The following B4GALNT1 variants were observed in gnomAD, a reference collection of about 807,000 sequenced individuals.
B4GALNT1 encodes beta-1,4 N-acetylgalactosaminyltransferase 1.
In B4GALNT1, 43 loss-of-function variants were observed where a neutral mutation model predicts 55.2. The observed-to-expected ratio is 0.78, with a 90% confidence interval of 0.61 to 1.00. B4GALNT1 has a LOEUF of 1.00. Ranked by LOEUF, B4GALNT1 falls within the 50% of genes least tolerant of loss-of-function variation. The probability of loss-of-function intolerance (pLI) is 0.00; values close to 1 mark genes in which losing one functional copy is unlikely to be tolerated. For synonymous variants in B4GALNT1, 305 were observed against 311.6 expected (o/e 0.98, Z 0.22); for missense variants, 664 against 729.7 (o/e 0.91, Z 1.04).
intron 9 of B4GALNT1, 49 bp from the exon 10 acceptor site, chr12:57,627,907 C>G: frequency 6.6e-7 from 1 of 1,516,140 alleles, no homozygotes; most frequent in Admixed American, 2.0e-5. Flanking sequence ...ATAGGGGACC[C>G]GAAGGGGTCA....
chr12:57,627,883 C>T (rs780060197), intron 9 of B4GALNT1, 25 bp from the exon 10 acceptor site: 2 of 1,551,804 alleles, frequency 1.3e-6, no homozygotes, highest in South Asian at 2.4e-5. Context: ...AGGTTGCCTC[C>T]AGGCGGGCCT....
At position 57,624,740 on chromosome 12, in the gene B4GALNT1, C is replaced by T. The variant is rs1369539537; in HGVS notation, c.*2004G>A. 1 of 904,618 alleles carries T rather than the reference C, an allele frequency of 1.1e-6. No individual in the cohort carries two copies. The highest frequency in any genetic ancestry group is 1.7e-5 in the Admixed American group (1 of 58,994). The allele number at this position is 904,618 out of a possible 1,614,324, so 56.0% of individuals were successfully genotyped here. On this transcript the variant is annotated 3_prime_UTR_variant, in exon 11 of 11. Coordinates refer to ENST00000341156, the MANE Select transcript of B4GALNT1 (RefSeq NM_001478.5). ...CTTCCCTAGGGTGTAGTGCCTGGCACTTGGACAGGCTGAGGGGACAGAGCT... is the reference window on the plus strand; with the variant it reads ...CTTCCCTAGGGTGTAGTGCCTGGCATTTGGACAGGCTGAGGGGACAGAGCT...
At chr12:57,628,522 G>A in intron 8 of B4GALNT1, 191 bp downstream of exon 8, 2 of 828,092 alleles carry the variant, frequency 2.4e-6, no homozygotes, top group East Asian at 2.7e-5. Context: ...TAGGCACTAA[G>A]CACCATTCTA....
At chr12:57,629,378 G>A (rs771144774) in intron 6 of B4GALNT1, 62 of 407,940 alleles carry the variant, frequency 1.5e-4, no homozygotes, top group Non-Finnish European at 2.3e-4. Flanking sequence ...TGCCAGACCC[G>A]TTAAAAAATT....
intron 2 of B4GALNT1, 127 bp downstream of exon 2, chr12:57,631,788 A>G (rs997888735): frequency 4.0e-6 from 4 of 1,001,408 alleles, no homozygotes; most frequent in Non-Finnish European, 5.4e-6. Flanking sequence ...TCCCACTTCC[A>G]CCTCCCACTT....
At chr12:57,631,816 T>C (rs914911460) in intron 2 of B4GALNT1, 99 bp downstream of exon 2, 8 of 1,174,436 alleles carry the variant, frequency 6.8e-6, no homozygotes, top group Non-Finnish European at 8.9e-6. Context: ...CACAGCCCGT[T>C]AGGAGAATGC....
rs1248901394 is a variant in B4GALNT1 at position 57,629,073 on chromosome 12, G to A, written c.786C>T (p.Tyr262=). The change falls in exon 7 of 11, where the codon TAC becomes TAT. Residue 262 remains tyrosine, a synonymous_variant. Transcript: ENST00000341156. ...RIRHPPNPRL[Y]PPGSLPQGAQ... ...CTCCCTGGGGTAGAGACCCAGGTGG[G>A]TACAGCCGAGGGTTGGGCGGGTGTC... 2.5e-6 allele frequency: 4 copies of A among 1,592,922 alleles called. No homozygotes were observed. Among genetic ancestry groups the A allele is most frequent in the Middle Eastern group, 3.3e-4 (2 of 5,986 alleles).
Position 57,629,848 on chromosome 12 carries a change from G to T in B4GALNT1, c.712+304C>A, listed in dbSNP as rs151023342. On this transcript the variant is annotated intron_variant, in intron 6 of 10. Coordinates refer to ENST00000341156, the MANE Select transcript of B4GALNT1 (RefSeq NM_001478.5). ...AAAGACCTTTGCCCTCTAGTAAGGG[G>T]TGGGTTGGGAATATAGTCTTCTAAC... The T allele has an allele frequency of 3.1e-4, 461 of 1,490,352 alleles. 1 individual carries two copies. The African/African-American group carries it at 5.9e-3, about 19-fold the overall frequency. 92.3% of individuals were successfully genotyped at this position (1,490,352 alleles called of 1,614,324 possible).
In B4GALNT1 at chr12:57,624,125, G is replaced by A. The variant is rs753056447; in HGVS notation, c.*2619C>T. The A allele has an allele frequency of 1.9e-6, 3 of 1,608,148 alleles. No individual in the cohort carries two copies. The South Asian group carries it at 3.3e-5, about 18-fold the overall frequency. ...TGAGAAATGCCATTACCCCCAGATT[G>A]CCCCCTCTCATCTTGTTAGCATCCC... is the stretch of plus-strand genomic sequence containing the variant. On this transcript the variant is annotated 3_prime_UTR_variant, in exon 11 of 11. Transcript: ENST00000341156.
chr12:57,623,989 T>A lies in B4GALNT1; in HGVS notation c.*2755A>T. 6.2e-7 allele frequency: 1 copy of A among 1,611,620 alleles called. No homozygotes were observed. Among genetic ancestry groups the A allele is most frequent in the Admixed American group, 1.7e-5 (1 of 59,796 alleles). ...AGGACATCGAGGTAGTCAGCCCACC[T>A]CCTCTGCCTCAAGGCTGTCCTGGCT... On this transcript the variant is annotated 3_prime_UTR_variant, in exon 11 of 11. Transcript: ENST00000341156.
chr12:57,627,907 C>A lies in B4GALNT1; in HGVS notation c.1144-49G>T, dbSNP rs1226281055. The A allele has an allele frequency of 4.0e-6, 6 of 1,516,136 alleles. No individual in the cohort carries two copies. The South Asian group carries it at 6.3e-5, about 16-fold the overall frequency. 93.9% of individuals were successfully genotyped at this position (1,516,136 alleles called of 1,614,324 possible). Reference sequence around the variant, plus strand: ...CCAGGCGGGCCTGGGATAGGGGACCCGAAGGGGTCAAGGTCTGCGCTCCGG... The same window carrying A: ...CCAGGCGGGCCTGGGATAGGGGACCAGAAGGGGTCAAGGTCTGCGCTCCGG... On this transcript the variant is annotated intron_variant, in intron 9 of 10. Transcript: ENST00000341156.
intron 7 of B4GALNT1, 39 bp downstream of exon 7, chr12:57,629,009 A>G: frequency 6.3e-7 from 1 of 1,591,212 alleles, no homozygotes; most frequent in South Asian, 1.1e-5. Flanking sequence ...CTCCCCACCA[A>G]GGCTGGTTCT....
chr12:57,631,698 C>T (rs1403420744), intron 2 of B4GALNT1, among the ~76,000 whole-genome samples: 1 of 152,160 alleles, frequency 6.6e-6, no homozygotes. Flanking sequence ...ACTGCACAAC[C>T]TCCCACGCCC....
Position 57,625,147 on chromosome 12 carries a change from A to G in B4GALNT1, c.*1597T>C, listed in dbSNP as rs146936348. On this transcript the variant is annotated 3_prime_UTR_variant, in exon 11 of 11. Transcript: ENST00000341156. ...GGAGACTTCAAAGCCAGATGGCCCA[A>G]TGGTTGCAGGTGAGATGGGGTGACA... The G allele has an allele frequency of 7.6e-5, 122 of 1,614,016 alleles. 1 individual carries two copies. The Middle Eastern group carries it at 1.2e-3, about 15-fold the overall frequency.
rs1417847024 is a variant in B4GALNT1, at chr12:57,627,683, A to C, written c.1319T>G (p.Leu440Arg). The change falls in exon 10 of 11, where the codon CTG becomes CGG. Residue 440 changes from leucine (L) to arginine (R), a missense_variant. Transcript: ENST00000341156. ...VVTDGVVNFF[L>R]ARTDKVREVG... ...CTCGCGCACCTTGTCAGTCCGCGCCAGGAAGAAGTTAACCACGCCGTCGGT... is the reference window on the plus strand; with the variant it reads ...CTCGCGCACCTTGTCAGTCCGCGCCCGGAAGAAGTTAACCACGCCGTCGGT... 1.2e-6 allele frequency: 2 copies of C among 1,612,056 alleles called. No homozygotes were observed. The highest frequency in any genetic ancestry group is 1.3e-5 in the African/African-American group (1 of 75,016).
chr12:57,632,515 C>T (rs1342702441), intron 1 of B4GALNT1: 2 of 335,654 alleles, frequency 6.0e-6, no homozygotes, highest in Non-Finnish European at 1.1e-5. Context: ...GCCGGCGCGC[C>T]CCCGACTCCT....
rs137979397 is a variant in B4GALNT1, at chr12:57,624,301, C to A, written c.*2443G>T. The A allele has an allele frequency of 3.7e-3, 2,294 of 628,002 alleles. 40 individuals are homozygous for A. Among genetic ancestry groups the A allele is most frequent in the African/African-American group, 0.036 (1,968 of 54,696 alleles). The allele number at this position is 628,002 out of a possible 1,614,324, so 38.9% of individuals were successfully genotyped here. On this transcript the variant is annotated 3_prime_UTR_variant, in exon 11 of 11. Transcript: ENST00000341156. ...CCTTTGGCCTGAATATTTGTAACTT[C>A]CCAACTGGTGCGGGTCATTACATTT...
chr12:57,629,762 G>C, intron 6 of B4GALNT1: 2 of 1,432,808 alleles, frequency 1.4e-6, no homozygotes, highest in South Asian at 1.5e-5. Context: ...CAGCTTTGGG[G>C]AGAAGCAAAG....
Position 57,626,817 on chromosome 12 carries a change from A to T in B4GALNT1, c.1529T>A (p.Leu510Gln), listed in dbSNP as rs2140240228. The T allele has an allele frequency of 6.2e-7, 1 of 1,614,240 alleles. No homozygotes were observed. Among genetic ancestry groups the T allele is most frequent in the East Asian group, 2.2e-5 (1 of 44,888 alleles). Reference sequence around the variant, plus strand: ...GTGTTTGGCCATCTGGCTCTCGTCCAGTGATCCTGGGTAACGGTACCGGGC... The same window carrying T: ...GTGTTTGGCCATCTGGCTCTCGTCCTGTGATCCTGGGTAACGGTACCGGGC... ...TYARYRYPGS[L>Q]DESQMAKHRL... is the part of the protein sequence containing the mutation. Residue 510 changes from leucine to glutamine, a missense_variant, in exon 11 of 11, where the codon CTG becomes CAG. By Grantham distance (113) the Leu-to-Gln change is moderately radical (BLOSUM62 -2). Coordinates refer to ENST00000341156, the MANE Select transcript of B4GALNT1 (RefSeq NM_001478.5).
Sources: allele counts gnomAD v4.1 joint callset (sites outside exome capture counted in the v4.1 genomes callset), GRCh38; gene constraint gnomAD v4.1.1; transcripts MANE v1.5; gene names NCBI Gene and HGNC (gene_info 2026-07-23, HGNC 2026-07-21).